Variants in CREB3L1 observed in about 807,000 individuals in gnomAD.
CREB3L1 encodes cyclic AMP-responsive element-binding protein 3-like protein 1.
A neutral mutation model predicts 54.5 loss-of-function variants in CREB3L1; 33 were observed. The ratio of observed to expected loss-of-function variants is 0.61; its 90% CI spans 0.46 to 0.81. The LOEUF (loss-of-function observed/expected upper bound fraction) is 0.81, where lower values mean the gene tolerates loss of function less well. Ranked by LOEUF, CREB3L1 falls within the 30% of genes least tolerant of loss-of-function variation. The pLI is 0.00. For synonymous variants in CREB3L1, 284 were observed against 286.4 expected (o/e 0.99, Z 0.08); for missense variants, 656 against 673.3 (o/e 0.97, Z 0.29).
In CREB3L1 at chr11:46,313,585, C is replaced by A. The variant is rs560363285; in HGVS notation, c.1031+666C>A. Among the ~76,000 whole-genome samples the A allele has an allele frequency of 1.9e-4, 29 of 151,954 alleles. 1 individual carries two copies. In the South Asian group the frequency reaches 5.0e-3, roughly 26 times the overall value. The stretch of plus-strand genomic sequence containing the variant: ...CCTGTAATCCCAGCTACTCGGGAGG[C>A]TGAGGGAGAAGAATCACTTGAATCC... On this transcript the variant is annotated intron_variant, in intron 8 of 11. Transcript: ENST00000621158.
chr11:46,316,190 G>A, intron 8 of CREB3L1, 96 bp from the exon 9 acceptor site: 1 of 737,702 alleles, frequency 1.4e-6, no homozygotes, highest in Non-Finnish European at 2.3e-6. Context: ...ACCTGGCGTG[G>A]AGGCCAAGTC....
chr11:46,315,752 G>T, intron 8 of CREB3L1: 1 of 173,118 alleles, frequency 5.8e-6, no homozygotes, highest in Non-Finnish European at 1.3e-5. Context: ...AACCTCGGAG[G>T]CGGAGGTTGC....
intron 1 of CREB3L1, among the ~76,000 whole-genome samples, chr11:46,296,805 C>T (rs899354141): frequency 1.3e-5 from 2 of 152,144 alleles, no homozygotes; most frequent in African/African-American, 4.8e-5. Flanking sequence ...TCTGGAAGCT[C>T]CATCCTGCTG....
chr11:46,283,566 G>A (rs1196376033), intron 1 of CREB3L1, among the ~76,000 whole-genome samples: 3 of 152,088 alleles, frequency 2.0e-5, no homozygotes, highest in African/African-American at 7.2e-5. Flanking sequence ...ATCCTTGTAA[G>A]GGAAGGGAAA....
intron 1 of CREB3L1, among the ~76,000 whole-genome samples, chr11:46,285,638 G>A (rs561939564): frequency 3.9e-5 from 6 of 152,194 alleles, no homozygotes; most frequent in East Asian, 1.9e-4. Context: ...CCCTGCCGCC[G>A]GGTTCAGTGT....
rs895309053 is a variant in CREB3L1, at chr11:46,316,388, A to G, written c.1131+3A>G. The G allele has an allele frequency of 2.9e-5, 45 of 1,544,580 alleles. No individual in the cohort carries two copies. The highest frequency in any genetic ancestry group is 1.1e-5 in the Non-Finnish European group (12 of 1,137,888). On this transcript the variant is annotated splice_donor_region_variant and intron_variant, in intron 9 of 11. Coordinates refer to ENST00000621158, the MANE Select transcript of CREB3L1 (RefSeq NM_052854.4). ...CCCAGACTGGGACCTGCCTCATGGT[A>G]GGTGTGGCTCCCTCCACCACAGACC...
intron 10 of CREB3L1, among the ~76,000 whole-genome samples, chr11:46,319,743 G>A (rs1939618778): frequency 6.6e-6 from 1 of 152,066 alleles, no homozygotes; most frequent in Non-Finnish European, 1.5e-5. Flanking sequence ...GCCAGGTATG[G>A]TGGCACACAC....
chr11:46,292,087 G>T (rs906284975), intron 1 of CREB3L1, among the ~76,000 whole-genome samples: 3 of 152,190 alleles, frequency 2.0e-5, no homozygotes, highest in African/African-American at 7.2e-5. Context: ...GACAGGGTCT[G>T]GGGGGACAGC....
chr11:46,310,207 G>A, intron 4 of CREB3L1, 140 bp downstream of exon 4: 1 of 648,300 alleles, frequency 1.5e-6, no homozygotes. Flanking sequence ...CCTACCCACT[G>A]TCCCTCCATC....
intron 1 of CREB3L1, among the ~76,000 whole-genome samples, chr11:46,296,708 G>A (rs1250667940): frequency 6.6e-6 from 1 of 152,158 alleles, no homozygotes; most frequent in Non-Finnish European, 1.5e-5. Context: ...GAAGCCCGGC[G>A]CAAAGAGGAC....
Position 46,310,923 on chromosome 11 carries a change from G to A in CREB3L1, c.596-109G>A, listed in dbSNP as rs185752252. ...GCTGAGACCAAGCGCCTGGCAGTCC[G>A]TGTCCCACAATGTCAGGGCTGGTGC... On this transcript the variant is annotated intron_variant, in intron 4 of 11. Transcript: ENST00000621158. The A allele has an allele frequency of 2.0e-3, 2,846 of 1,431,090 alleles. 8 individuals are homozygous for A. Among genetic ancestry groups the A allele is most frequent in the African/African-American group, 3.0e-3 (205 of 68,302 alleles). 88.6% of individuals were successfully genotyped at this position (1,431,090 alleles called of 1,614,324 possible).
chr11:46,305,572 A>T (rs1418908451), intron 2 of CREB3L1, among the ~76,000 whole-genome samples: 3 of 147,776 alleles, frequency 2.0e-5, no homozygotes, highest in East Asian at 2.0e-4. Flanking sequence ...GTGATCTTTT[A>T]TATATATATA....
chr11:46,294,237 G>C (rs1474773554), intron 1 of CREB3L1, among the ~76,000 whole-genome samples: 1 of 152,098 alleles, frequency 6.6e-6, no homozygotes. Context: ...CCTTCCCTAG[G>C]CCTATGGGGA....
chr11:46,303,177 C>T (rs1939329304), intron 2 of CREB3L1, among the ~76,000 whole-genome samples: 1 of 152,158 alleles, frequency 6.6e-6, no homozygotes, highest in South Asian at 2.1e-4. Flanking sequence ...GGTGTGCATC[C>T]CCGTGTCTCC....
chr11:46,305,552 C>A (rs11821450), intron 2 of CREB3L1, among the ~76,000 whole-genome samples: 1 of 150,256 alleles, frequency 6.7e-6, no homozygotes, highest in South Asian at 2.1e-4. Context: ...AGTCCCCACA[C>A]GAGGGCAGAG....
At chr11:46,300,862 G>A (rs916469313) in intron 2 of CREB3L1, among the ~76,000 whole-genome samples, 5 of 152,036 alleles carry the variant, frequency 3.3e-5, no homozygotes, top group East Asian at 1.9e-4. Flanking sequence ...AAAATTACCC[G>A]GGGGTGGTGG....
At chr11:46,286,225 G>C (rs947514773) in intron 1 of CREB3L1, among the ~76,000 whole-genome samples, 2 of 152,162 alleles carry the variant, frequency 1.3e-5, no homozygotes, top group Non-Finnish European at 2.9e-5. Flanking sequence ...GGGTGGGGAC[G>C]ATAGAGGAAT....
At chr11:46,320,217 G>T in intron 10 of CREB3L1, 47 bp from the exon 11 acceptor site, 1 of 1,530,878 alleles carries the variant, frequency 6.5e-7, no homozygotes, top group Non-Finnish European at 8.8e-7. Context: ...TGGCCAGGAT[G>T]TTGAGGGAAT....
At chr11:46,314,789 C>T (rs867857380) in intron 8 of CREB3L1, among the ~76,000 whole-genome samples, 1 of 151,634 alleles carries the variant, frequency 6.6e-6, no homozygotes, top group Non-Finnish European at 1.5e-5. Context: ...CTCACTGCAA[C>T]CTCCGCCTCT....
Sources: allele counts gnomAD v4.1 joint callset (sites outside exome capture counted in the v4.1 genomes callset), GRCh38; gene constraint gnomAD v4.1.1; transcripts MANE v1.5; gene names NCBI Gene and HGNC (gene_info 2026-07-23, HGNC 2026-07-21).